The following P3H3 variants were observed in gnomAD, a reference collection of about 807,000 sequenced individuals.
P3H3 encodes the protein gene rich cluster, B.
A neutral mutation model predicts 78.1 loss-of-function variants in P3H3; 64 were observed. The ratio of observed to expected loss-of-function variants is 0.82; its 90% confidence interval spans 0.67 to 1.01. The LOEUF (loss-of-function observed/expected upper bound fraction) is 1.01, where lower values mean the gene tolerates loss of function less well. Ranked by LOEUF, P3H3 falls within the 50% of genes least tolerant of loss-of-function variation. The pLI is 0.00. For missense variants in P3H3, 975 were observed against 982.2 expected, an observed-to-expected ratio of 0.99 and a Z score of 0.10; for synonymous variants, 425 against 416.7, an observed-to-expected ratio of 1.02 and a Z score of -0.24.
rs782359284 is a variant in P3H3 at position 6,830,450 on chromosome 12, T to C, written c.749T>C (p.Met250Thr). 4 of 1,587,772 alleles carry C rather than the reference T, an allele frequency of 2.5e-6. No individual in the cohort carries two copies. Among genetic ancestry groups the C allele is most frequent in the Non-Finnish European group, 3.4e-6 (4 of 1,168,436 alleles). ...GCTCTTCAGGGGAGCCTGGCCCAGA[T>C]GGAGAGCTGCCGTGCTGACTGTGAG... The part of the protein sequence containing the change: ...EEALQGSLAQ[M>T]ESCRADCEGP... Residue 250 changes from methionine (M) to threonine (T), a missense_variant, in exon 3 of 15, where the codon ATG becomes ACG. Met to Thr is a moderately conservative substitution (Grantham distance 81). Coordinates refer to ENST00000290510, the MANE Select transcript of P3H3 (RefSeq NM_014262.5).
At chr12:6,837,925 G>C (rs1555122469) in intron 12 of P3H3, 33 bp from the exon 13 acceptor site, 1 of 1,593,914 alleles carries the variant, frequency 6.3e-7, no homozygotes, top group South Asian at 1.1e-5. Flanking sequence ...CTGGGTTGGG[G>C]TCTCACTGCC....
chr12:6,835,720 G>A (rs922663870), intron 9 of P3H3, among the ~76,000 whole-genome samples: 1 of 152,172 alleles, frequency 6.6e-6, no homozygotes, highest in Non-Finnish European at 1.5e-5. Flanking sequence ...CCGAGGGACA[G>A]TGAGTGTCTT....
intron 6 of P3H3, among the ~76,000 whole-genome samples, chr12:6,832,282 G>GA (rs1355447523): frequency 2.0e-5 from 3 of 152,208 alleles, no homozygotes; most frequent in African/African-American, 7.2e-5. Context: ...GTTATGAGAG[G>GA]AAACTGCGGG....
At position 6,831,435 on chromosome 12, in the gene P3H3, C is replaced by G. The variant is rs1345505161; in HGVS notation, c.1122+83C>G. ...AGAAGTAACCTGGACCCCCACCCCCCGCTGGCCTCTTACCCGAGCACTCTA... is the reference window on the plus strand; with the variant it reads ...AGAAGTAACCTGGACCCCCACCCCCGGCTGGCCTCTTACCCGAGCACTCTA... On this transcript the variant is annotated intron_variant, in intron 5 of 14. Coordinates refer to ENST00000290510, the MANE Select transcript of P3H3 (RefSeq NM_014262.5). This position sits in a 1 kb window ranked among gnomAD's most constrained non-coding sequence, Gnocchi z 4.6. 3.2e-6 allele frequency: 5 copies of G among 1,563,928 alleles called. No homozygotes were observed. In the South Asian group the frequency reaches 3.5e-5, roughly 11 times the overall value.
chr12:6,837,299 A>G, intron 10 of P3H3, 124 bp from the exon 11 acceptor site: 1 of 1,357,644 alleles, frequency 7.4e-7, no homozygotes, highest in Non-Finnish European at 1.0e-6. Context: ...GCTGATGGAC[A>G]GAGCTGGATG....
Position 6,829,746 on chromosome 12 carries a change from G to A in P3H3, c.499-113G>A, listed in dbSNP as rs781986361. On this transcript the variant is annotated intron_variant, in intron 1 of 14. Coordinates refer to ENST00000290510, the MANE Select transcript of P3H3 (RefSeq NM_014262.5). The surrounding 1 kb of genome is among the most constrained non-coding windows in gnomAD (Gnocchi z 5.1). ...GTTCTGATTGGCCAGTCTTCCATGA[G>A]GCTCTGGGGCACCCAGAGTGTGTGT... 2.7e-5 allele frequency: 31 copies of A among 1,134,140 alleles called. No homozygotes were observed. The highest frequency in any genetic ancestry group is 3.8e-5 in the Non-Finnish European group (29 of 770,844). The allele number at this position is 1,134,140 out of a possible 1,614,324, so 70.3% of individuals were successfully genotyped here. A position where few individuals can be genotyped will look rare whatever the true frequency, so the allele number is the denominator to read the frequency against.
In P3H3 at chr12:6,829,795, C is replaced by T; in HGVS notation, c.499-64C>T. 1 of 1,587,506 alleles carries T rather than the reference C, an allele frequency of 6.3e-7. No homozygotes were observed. Among genetic ancestry groups the T allele is most frequent in the Non-Finnish European group, 8.6e-7 (1 of 1,159,708 alleles). On this transcript the variant is annotated intron_variant, in intron 1 of 14. Coordinates refer to ENST00000290510, the MANE Select transcript of P3H3 (RefSeq NM_014262.5). The surrounding 1 kb of genome is among the most constrained non-coding windows in gnomAD (Gnocchi z 5.1). Reference sequence around the variant, plus strand: ...GTCTGGGGTAGGGTGGGGAGGCTGGCCAGGGGGCAGAGGTCTGCCCCCCGT... The same window carrying T: ...GTCTGGGGTAGGGTGGGGAGGCTGGTCAGGGGGCAGAGGTCTGCCCCCCGT...
chr12:6,828,607 C>A lies in P3H3; in HGVS notation c.167C>A (p.Ala56Asp). The change falls in exon 1 of 15, where the codon GCC (alanine) becomes GAC (aspartate). Residue 56 changes from alanine (A) to aspartate (D), a missense_variant. Coordinates refer to ENST00000290510, the MANE Select transcript of P3H3 (RefSeq NM_014262.5). The stretch of plus-strand genomic sequence containing the variant: ...TACGCGGCCGGGGCTTGGGCGCCGG[C>A]CGTGGCGCTGCTGCGGGAGGCGCTG... ...RAYAAGAWAP[A>D]VALLREALRS... 2 of 1,219,034 alleles carry A rather than the reference C, an allele frequency of 1.6e-6. No homozygotes were observed. The highest frequency in any genetic ancestry group is 2.0e-6 in the Non-Finnish European group (2 of 980,008). The allele number at this position is 1,219,034 out of a possible 1,614,324, so 75.5% of individuals were successfully genotyped here.
At chr12:6,837,186 T>G in intron 10 of P3H3, 100 bp downstream of exon 10, 1 of 1,120,932 alleles carries the variant, frequency 8.9e-7, no homozygotes, top group Admixed American at 2.3e-5. Context: ...TGAAGGAGCT[T>G]TCTTGGGACC....
intron 6 of P3H3, 175 bp from the exon 7 acceptor site, chr12:6,833,417 T>C (rs996074289): frequency 1.6e-6 from 1 of 630,412 alleles, no homozygotes; most frequent in Non-Finnish European, 2.8e-6. Context: ...ATAGTTGTAC[T>C]TGTTGTTACA....
intron 11 of P3H3, 60 bp downstream of exon 11, chr12:6,837,633 C>T (rs1270541501): frequency 1.9e-6 from 3 of 1,580,912 alleles, no homozygotes; most frequent in Non-Finnish European, 2.6e-6. Context: ...CAGGACACTG[C>T]CCCCAAGAGC....
intron 10 of P3H3, 103 bp downstream of exon 10, chr12:6,837,189 T>G (rs1555122279): frequency 9.0e-7 from 1 of 1,111,186 alleles, no homozygotes; most frequent in Non-Finnish European, 1.3e-6. Flanking sequence ...AGGAGCTTTC[T>G]TGGGACCGAG....
Position 6,831,041 on chromosome 12 carries a change from T to G in P3H3, c.986-175T>G. On this transcript the variant is annotated intron_variant, in intron 4 of 14. Transcript: ENST00000290510. This position sits in a 1 kb window ranked among gnomAD's most constrained non-coding sequence, Gnocchi z 4.6. ...TTGAACTCTCCAGCTAAGGTATGTT[T>G]GCACCAGTGTTTGAAAGAACCGGCA... The G allele has an allele frequency of 1.1e-6, 1 of 906,558 alleles. No homozygotes were observed. The highest frequency in any genetic ancestry group is 2.1e-4 in the Middle Eastern group (1 of 4,710). 56.2% of individuals were successfully genotyped at this position (906,558 alleles called of 1,614,324 possible). A position where few individuals can be genotyped will look rare whatever the true frequency, so the allele number is the denominator to read the frequency against.
chr12:6,834,019 C>A lies in P3H3; in HGVS notation c.1428C>A (p.Ala476=). The change falls in exon 9 of 15, where the codon GCC becomes GCA. Residue 476 remains alanine (A), a synonymous_variant. Transcript: ENST00000290510. The part of the protein sequence containing the change: ...RAVLDGLLTP[A]ECGVLLQLAK... ...TGTTGGATGGGCTGCTCACCCCAGC[C>A]GAGTGTGGGGTGCTGCTGCAGCTGG... 1 of 1,613,694 alleles carries A rather than the reference C, an allele frequency of 6.2e-7. No homozygotes were observed. The highest frequency in any genetic ancestry group is 1.1e-5 in the South Asian group (1 of 91,064).
intron 11 of P3H3, 33 bp downstream of exon 11, chr12:6,837,606 A>G (rs781850689): frequency 1.2e-6 from 2 of 1,604,894 alleles, no homozygotes; most frequent in African/African-American, 1.3e-5. Context: ...CTCTTCTCCA[A>G]CCTCAGGCCC....
intron 9 of P3H3, among the ~76,000 whole-genome samples, chr12:6,836,346 T>C (rs1943496720): frequency 6.6e-6 from 1 of 151,152 alleles, no homozygotes; most frequent in Admixed American, 6.6e-5. Flanking sequence ...ATTCAAAAAG[T>C]AGACAAAAAA....
intron 4 of P3H3, 182 bp downstream of exon 4, chr12:6,830,952 A>AGATGGGCTTCCTTC: frequency 1.1e-6 from 1 of 916,494 alleles, no homozygotes; most frequent in South Asian, 1.4e-5. Context: ...CAAGCTCAGG[A>AGATGGGCTTCCTTC]GATGGGCTTC....
At position 6,829,072 on chromosome 12, in the gene P3H3, T is replaced by C. The variant is rs1035210887; in HGVS notation, c.498+134T>C. 1 of 533,790 alleles carries C rather than the reference T, an allele frequency of 1.9e-6. No individual in the cohort carries two copies. The allele number at this position is 533,790 out of a possible 1,614,324, so 33.1% of individuals were successfully genotyped here. A position where few individuals can be genotyped will look rare whatever the true frequency, so the allele number is the denominator to read the frequency against. ...GGCTGGGGAGCGTACCGCGGGCCTCTGCGTAGGAGCTGGCTAAGCGACCGC... is the reference window on the plus strand; with the variant it reads ...GGCTGGGGAGCGTACCGCGGGCCTCCGCGTAGGAGCTGGCTAAGCGACCGC... On this transcript the variant is annotated intron_variant, in intron 1 of 14. Coordinates refer to ENST00000290510, the MANE Select transcript of P3H3 (RefSeq NM_014262.5). This position sits in a 1 kb window ranked among gnomAD's most constrained non-coding sequence, Gnocchi z 5.1.
In P3H3 at chr12:6,829,802, G is replaced by T. The variant is rs781881687; in HGVS notation, c.499-57G>T. The T allele has an allele frequency of 3.7e-6, 6 of 1,601,680 alleles. No homozygotes were observed. The highest frequency in any genetic ancestry group is 1.7e-5 in the Admixed American group (1 of 59,730). ...GTAGGGTGGGGAGGCTGGCCAGGGG[G>T]CAGAGGTCTGCCCCCCGTCCCAGGG... is the stretch of plus-strand genomic sequence containing the variant. On this transcript the variant is annotated intron_variant, in intron 1 of 14. Transcript: ENST00000290510. The surrounding 1 kb of genome is among the most constrained non-coding windows in gnomAD (Gnocchi z 5.1).
Sources: allele counts gnomAD v4.1 joint callset (sites outside exome capture counted in the v4.1 genomes callset), GRCh38; gene constraint gnomAD v4.1.1; non-coding constraint Gnocchi (gnomAD v3.1); transcripts MANE v1.5; gene names NCBI Gene and HGNC (gene_info 2026-07-23, HGNC 2026-07-21).